The following DPYD variants were observed in gnomAD, a reference collection of about 807,000 sequenced individuals.
DPYD encodes the protein dihydropyrimidine dehydrogenase [NADP(+)].
Under a neutral mutation model 116.2 loss-of-function variants are expected in DPYD, and 109 were observed. The observed-to-expected ratio is 0.94, with a 90% confidence interval of 0.80 to 1.10. The LOEUF (loss-of-function observed/expected upper bound fraction) is 1.10. Among genes scored for constraint, DPYD ranks in the 50% least tolerant of loss-of-function variants. The pLI, the probability that DPYD is intolerant of heterozygous loss-of-function variation, is 0.00. For synonymous variants in DPYD, 440 were observed against 432.0 expected, an observed-to-expected ratio of 1.02 and a Z score of -0.23; for missense variants, 1,302 against 1,254.5, an observed-to-expected ratio of 1.04 and a Z score of -0.57.
At chr1:97,893,785 T>TTA (rs1274432157) in intron 1 of DPYD, among the ~76,000 whole-genome samples, 1 of 151,650 alleles carries the variant, frequency 6.6e-6, no homozygotes, top group Non-Finnish European at 1.5e-5. Flanking sequence ...AGGAAGCTCT[T>TTA]CGTCTGTCTT....
At chr1:97,199,567 C>T (rs1008982882) in intron 19 of DPYD, among the ~76,000 whole-genome samples, 19 of 151,526 alleles carry the variant, frequency 1.3e-4, no homozygotes, top group Admixed American at 1.2e-3. Context: ...TAATGTAATA[C>T]ATTTTTGGTC....
chr1:97,322,716 A>C (rs545977214), intron 16 of DPYD: 6 of 152,154 alleles, frequency 3.9e-5, no homozygotes, highest in South Asian at 2.1e-4. Flanking sequence ...GGTGTCAAGG[A>C]AAGGAAACAT....
chr1:97,409,850 A>G (rs1332670211), intron 14 of DPYD, among the ~76,000 whole-genome samples: 1 of 152,102 alleles, frequency 6.6e-6, no homozygotes, highest in Non-Finnish European at 1.5e-5. Flanking sequence ...TGCTGAGGCA[A>G]GCGGATCACC....
At chr1:97,587,964 T>C (rs748605128) in intron 10 of DPYD, among the ~76,000 whole-genome samples, 16 of 151,906 alleles carry the variant, frequency 1.1e-4, no homozygotes, top group Admixed American at 2.0e-4. Flanking sequence ...GCCACAAAAA[T>C]GATCTATTAT....
At chr1:97,412,863 T>C (rs1471907837) in intron 14 of DPYD, among the ~76,000 whole-genome samples, 1 of 152,188 alleles carries the variant, frequency 6.6e-6, no homozygotes, top group Non-Finnish European at 1.5e-5. Flanking sequence ...TATCATTTAA[T>C]GAAAGAACAG....
intron 14 of DPYD, among the ~76,000 whole-genome samples, chr1:97,388,271 TG>T (rs1672475787): frequency 6.6e-6 from 1 of 152,092 alleles, no homozygotes; most frequent in South Asian, 2.1e-4. Flanking sequence ...ATATTTAGTA[TG>T]TCTAGTAAGC....
intron 16 of DPYD, among the ~76,000 whole-genome samples, chr1:97,323,135 T>A (rs11165838): frequency 0.97 from 145,242 of 149,456 alleles, 70,714 homozygotes; most frequent in East Asian, 1. Flanking sequence ...GTGTGTGTGT[T>A]TATGTATAGG....
intron 20 of DPYD, among the ~76,000 whole-genome samples, chr1:97,159,570 T>C (rs1381526511): frequency 1.3e-5 from 2 of 151,922 alleles, no homozygotes; most frequent in African/African-American, 4.8e-5. Context: ...CCACAAACCA[T>C]ACATTTACCA....
intron 5 of DPYD, among the ~76,000 whole-genome samples, chr1:97,714,939 C>T (rs142041680): frequency 2.0e-5 from 3 of 152,212 alleles, no homozygotes; most frequent in African/African-American, 7.2e-5. Flanking sequence ...TCCAGATTTG[C>T]CTCTCACTAC....
At chr1:97,815,376 A>G (rs947354566) in intron 3 of DPYD, among the ~76,000 whole-genome samples, 28 of 152,212 alleles carry the variant, frequency 1.8e-4, no homozygotes, top group Non-Finnish European at 3.4e-4. Context: ...ATGTCCTATA[A>G]TATGTCAATA....
rs541245692 is a variant in DPYD, at chr1:97,309,773, TC to T, written c.2059-3477del. On this transcript the variant is annotated intron_variant, in intron 16 of 22. Coordinates refer to ENST00000370192, the MANE Select transcript of DPYD (RefSeq NM_000110.4). ...ATGCAGATTACTTGCTGCAGTAATGTCCATTATGCAAAACTGGTTGTTTTTA... is the reference window on the plus strand; with the variant it reads ...ATGCAGATTACTTGCTGCAGTAATGTCATTATGCAAAACTGGTTGTTTTTA... 2.6e-5 allele frequency among the ~76,000 whole-genome samples: 4 copies of T among 151,908 alleles called. No homozygotes were observed. In the East Asian group the frequency reaches 7.8e-4, roughly 30 times the overall value.
intron 13 of DPYD, among the ~76,000 whole-genome samples, chr1:97,455,282 G>T (rs747613891): frequency 6.6e-6 from 1 of 151,854 alleles, no homozygotes; most frequent in Non-Finnish European, 1.5e-5. Flanking sequence ...AGTGTATATC[G>T]CTATGAGTTG....
chr1:97,348,551 T>A (rs759922083), intron 16 of DPYD, among the ~76,000 whole-genome samples: 22 of 152,144 alleles, frequency 1.4e-4, no homozygotes, highest in Non-Finnish European at 3.1e-4. Flanking sequence ...CTGGCTTACA[T>A]GGAAGGAAGA....
intron 8 of DPYD, among the ~76,000 whole-genome samples, chr1:97,628,933 C>G (rs1657095434): frequency 6.6e-6 from 1 of 151,966 alleles, no homozygotes; most frequent in Non-Finnish European, 1.5e-5. Context: ...GTTCAAATCC[C>G]AGCCTCTACA....
chr1:97,340,773 G>A (rs955569730), intron 16 of DPYD, among the ~76,000 whole-genome samples: 1 of 152,186 alleles, frequency 6.6e-6, no homozygotes, highest in Non-Finnish European at 1.5e-5. Context: ...TAAATACGTA[G>A]ATAAGTTGAG....
intron 16 of DPYD, among the ~76,000 whole-genome samples, chr1:97,371,244 T>C (rs1313487748): frequency 6.6e-6 from 1 of 152,210 alleles, no homozygotes; most frequent in Admixed American, 6.5e-5. Context: ...AACAAGAAAG[T>C]GTCTCTGGCA....
intron 2 of DPYD, among the ~76,000 whole-genome samples, chr1:97,838,988 G>A (rs546550007): frequency 6.6e-6 from 1 of 152,266 alleles, no homozygotes; most frequent in South Asian, 2.1e-4. Context: ...CGTGATTTCC[G>A]CAGATCCTCA....
At chr1:97,425,487 G>A (rs559796305) in intron 14 of DPYD, among the ~76,000 whole-genome samples, 1 of 151,924 alleles carries the variant, frequency 6.6e-6, no homozygotes, top group Non-Finnish European at 1.5e-5. Flanking sequence ...TAGAGATTTC[G>A]GCTTTCCTGT....
intron 20 of DPYD, among the ~76,000 whole-genome samples, chr1:97,160,974 G>C (rs1261849227): frequency 6.6e-6 from 1 of 152,060 alleles, no homozygotes; most frequent in East Asian, 1.9e-4. Flanking sequence ...TTTAAAACTT[G>C]GCTAATCACT....
Sources: gnomAD v4.1 joint callset for allele counts (sites outside exome capture counted in the v4.1 genomes callset) on GRCh38, gnomAD v4.1.1 for gene constraint, MANE v1.5 for transcripts, NCBI Gene and HGNC (gene_info 2026-07-23, HGNC 2026-07-21) for gene names.